BABAM2: variants seen among roughly 807,000 people sequenced by gnomAD.
The protein encoded by BABAM2 is BRISC and BRCA1 A complex member 2, also known as BRISC and BRCA1-A complex member 2.
In BABAM2, 31 loss-of-function variants were observed where a neutral mutation model predicts 54.7. The ratio of observed to expected loss-of-function variants is 0.57; its 90% confidence interval spans 0.43 to 0.77. The LOEUF is 0.77. BABAM2 is among the 30% of genes least tolerant of loss of function. BABAM2 has a pLI of 0.00. For synonymous variants in BABAM2, 167 were observed against 162.9 expected, an observed-to-expected ratio of 1.03 and a Z score of -0.19; for missense variants, 364 against 455.8, an observed-to-expected ratio of 0.80 and a Z score of 1.83.
chr2:28,235,695 C>T (rs1395157234), intron 7 of BABAM2, among the ~76,000 whole-genome samples: 1 of 152,052 alleles, frequency 6.6e-6, no homozygotes, highest in Non-Finnish European at 1.5e-5. Context: ...CTCACTCTGT[C>T]GCCCAGGCTA....
chr2:28,024,036 G>A (rs1675458508), intron 4 of BABAM2, among the ~76,000 whole-genome samples: 1 of 152,132 alleles, frequency 6.6e-6, no homozygotes, highest in South Asian at 2.1e-4. Context: ...CACAGCAGAC[G>A]TCAAGCTATA....
intron 6 of BABAM2, among the ~76,000 whole-genome samples, chr2:28,107,312 C>T (rs944950699): frequency 1.6e-4 from 24 of 152,334 alleles, no homozygotes; most frequent in African/African-American, 5.5e-4. Flanking sequence ...TCGTAGAATA[C>T]TGTAAAACAG....
chr2:28,228,297 A>G (rs1681069308), intron 7 of BABAM2, among the ~76,000 whole-genome samples: 1 of 152,178 alleles, frequency 6.6e-6, no homozygotes, highest in African/African-American at 2.4e-5. Context: ...TCAGGTAGAT[A>G]CCCTTCTGTG....
intron 6 of BABAM2, among the ~76,000 whole-genome samples, chr2:28,073,929 A>T (rs941437561): frequency 1.3e-5 from 2 of 152,164 alleles, no homozygotes. Flanking sequence ...TATGAGTAGT[A>T]TTCCTGGGTT....
At chr2:28,173,776 A>G (rs1674623741) in intron 7 of BABAM2, among the ~76,000 whole-genome samples, 1 of 152,232 alleles carries the variant, frequency 6.6e-6, no homozygotes, top group African/African-American at 2.4e-5. Flanking sequence ...TTGATAGTAT[A>G]CTGTCAAGAA....
At chr2:28,085,182 A>G (rs2148680219) in intron 6 of BABAM2, among the ~76,000 whole-genome samples, 1 of 152,334 alleles carries the variant, frequency 6.6e-6, no homozygotes, top group East Asian at 1.9e-4. Flanking sequence ...TCAGTTGGGG[A>G]TGAATAGAAC....
chr2:28,144,869 A>C (rs1217286532), intron 7 of BABAM2, among the ~76,000 whole-genome samples: 2 of 152,232 alleles, frequency 1.3e-5, no homozygotes, highest in African/African-American at 4.8e-5. Context: ...ACAGGATTCA[A>C]ACCCAGATCT....
chr2:27,963,973 C>G (rs1464134152), intron 3 of BABAM2, among the ~76,000 whole-genome samples: 1 of 152,088 alleles, frequency 6.6e-6, no homozygotes, highest in Non-Finnish European at 1.5e-5. Flanking sequence ...AGAGTAAAGT[C>G]CATTGCTATG....
chr2:28,192,813 C>T (rs1336115323), intron 7 of BABAM2, among the ~76,000 whole-genome samples: 7 of 152,158 alleles, frequency 4.6e-5, no homozygotes, highest in Admixed American at 2.6e-4. Context: ...TGAGCCACCA[C>T]GCCCGGCCTA....
intron 10 of BABAM2, among the ~76,000 whole-genome samples, chr2:28,251,540 A>G (rs1412020935): frequency 1.3e-5 from 2 of 152,180 alleles, no homozygotes; most frequent in Non-Finnish European, 2.9e-5. Context: ...GCAGCCACTC[A>G]GTTCCTGAGC....
intron 7 of BABAM2, among the ~76,000 whole-genome samples, chr2:28,165,529 CTTTTTT>C (rs1192641957): frequency 1.4e-5 from 1 of 72,254 alleles, no homozygotes; most frequent in Non-Finnish European, 2.4e-5. Flanking sequence ...TTTTTCCTTG[CTTTTTT>C]TTTTTTTTTT....
rs1398293909 is a variant in BABAM2 at position 28,118,589 on chromosome 2, A to G, written c.571-10682A>G. On this transcript the variant is annotated intron_variant, in intron 6 of 11. Transcript: ENST00000379624. ...GTTGTTTGTTTTTTTTCTTGTAAAT[A>G]TGTTTAAGTTCCTTGTAAACTCTGG... 2.6e-5 allele frequency among the ~76,000 whole-genome samples: 4 copies of G among 152,092 alleles called. No individual in the cohort carries two copies. In the East Asian group the frequency reaches 5.8e-4, roughly 22 times the overall value.
intron 4 of BABAM2, among the ~76,000 whole-genome samples, chr2:28,014,474 G>A (rs1420099023): frequency 6.6e-6 from 1 of 152,266 alleles, no homozygotes; most frequent in East Asian, 1.9e-4. Flanking sequence ...CTAAGTAAAT[G>A]TGAGGACTTA....
chr2:28,288,909 CA>C (rs143381406), intron 10 of BABAM2, among the ~76,000 whole-genome samples: 494 of 151,472 alleles, frequency 3.3e-3, no homozygotes, highest in Admixed American at 5.3e-3. Flanking sequence ...ACCATGAGCT[CA>C]AGGGCATGGA....
At chr2:28,177,392 C>T (rs1376921070) in intron 7 of BABAM2, among the ~76,000 whole-genome samples, 2 of 151,780 alleles carry the variant, frequency 1.3e-5, no homozygotes, top group Non-Finnish European at 2.9e-5. Context: ...TCCAGCCCTA[C>T]AGTAAATGCT....
At chr2:28,051,762 C>T (rs1678015561) in intron 6 of BABAM2, among the ~76,000 whole-genome samples, 1 of 151,986 alleles carries the variant, frequency 6.6e-6, no homozygotes, top group African/African-American at 2.4e-5. Context: ...AATTCCTTTG[C>T]CTCAGCCTTC....
intron 10 of BABAM2, among the ~76,000 whole-genome samples, chr2:28,267,854 TG>T (rs1685113905): frequency 6.6e-6 from 1 of 152,232 alleles, no homozygotes; most frequent in Non-Finnish European, 1.5e-5. Context: ...AAATTGTTGA[TG>T]AGCACATGTT....
intron 2 of BABAM2, among the ~76,000 whole-genome samples, chr2:27,922,949 T>C (rs182786296): frequency 9.8e-5 from 15 of 152,350 alleles, no homozygotes; most frequent in South Asian, 6.2e-4. Context: ...AGTAGCTTTT[T>C]CTTTACTAGC....
At position 28,106,227 on chromosome 2, in the gene BABAM2, A is replaced by ATATT. The variant is rs1444399564; in HGVS notation, c.571-23043_571-23040dup. 2.6e-5 allele frequency among the ~76,000 whole-genome samples: 4 copies of ATATT among 152,304 alleles called. No homozygotes were observed. The East Asian group carries it at 7.7e-4, about 29-fold the overall frequency. On this transcript the variant is annotated intron_variant, in intron 6 of 11. Transcript: ENST00000379624. ...CTAAGATCCCATTCAAATTTCACTT[A>ATATT]TATTGTCCCAATGATTTCTTTGTAG... is the stretch of plus-strand genomic sequence containing the variant.
Sources: allele counts gnomAD v4.1 joint callset (sites outside exome capture counted in the v4.1 genomes callset), GRCh38; gene constraint gnomAD v4.1.1; transcripts MANE v1.5; gene names NCBI Gene and HGNC (gene_info 2026-07-23, HGNC 2026-07-21).